Variants in ZBTB40 observed in about 807,000 individuals in gnomAD.
ZBTB40 encodes the protein zinc finger and BTB domain containing 40.
In ZBTB40, 60 loss-of-function variants were observed where a neutral mutation model predicts 117.5. That is an observed-to-expected ratio of 0.51 (90% CI 0.41 to 0.63). The LOEUF is 0.63. Ranked by LOEUF, ZBTB40 falls within the 30% of genes least tolerant of loss-of-function variation. The pLI, the probability that ZBTB40 is intolerant of heterozygous loss-of-function variation, is 0.00. For synonymous variants in ZBTB40, 525 were observed against 577.1 expected, an observed-to-expected ratio of 0.91 and a Z score of 1.29; for missense variants, 1,287 against 1,498.5, an observed-to-expected ratio of 0.86 and a Z score of 2.33.
chr1:22,494,099 C>G (rs887802783), intron 3 of ZBTB40, among the ~76,000 whole-genome samples: 5 of 152,108 alleles, frequency 3.3e-5, no homozygotes, highest in Middle Eastern at 3.2e-3. Context: ...TAGGTAACAA[C>G]TGCTATTGTT....
intron 12 of ZBTB40, 84 bp from the exon 13 acceptor site, chr1:22,517,216 A>G (rs1639394926): frequency 1.9e-6 from 3 of 1,571,520 alleles, no homozygotes; most frequent in Non-Finnish European, 2.6e-6. Flanking sequence ...TATTTCCCTG[A>G]TACGTGCTGT....
chr1:22,483,735 T>G (rs1638391182), intron 1 of ZBTB40, among the ~76,000 whole-genome samples: 1 of 152,198 alleles, frequency 6.6e-6, no homozygotes, highest in African/African-American at 2.4e-5. Flanking sequence ...CTGTGGCTTG[T>G]CTTTTCATTC....
intron 1 of ZBTB40, among the ~76,000 whole-genome samples, chr1:22,465,616 A>G (rs772763663): frequency 6.6e-6 from 1 of 152,118 alleles, no homozygotes; most frequent in Non-Finnish European, 1.5e-5. Context: ...GCTCTGCCCA[A>G]CTTTGCTCCA....
At position 22,511,505 on chromosome 1, in the gene ZBTB40, G is replaced by C. The variant is rs563957528; in HGVS notation, c.2002+158G>C. Among the ~76,000 whole-genome samples the C allele has an allele frequency of 3.9e-5, 6 of 152,306 alleles. No individual in the cohort carries two copies. The South Asian group carries it at 1.2e-3, about 32-fold the overall frequency. ...CTAAAAAAGTCATGAGACATAGGGGGAAAATGTTCTTTGTGTTTATTGGAA... is the reference window on the plus strand; with the variant it reads ...CTAAAAAAGTCATGAGACATAGGGGCAAAATGTTCTTTGTGTTTATTGGAA... On this transcript the variant is annotated intron_variant, in intron 10 of 17. Coordinates refer to ENST00000375647, the MANE Select transcript of ZBTB40 (RefSeq NM_014870.4).
At chr1:22,502,163 C>T (rs987736543) in intron 4 of ZBTB40, 136 bp from the exon 5 acceptor site, 124 of 1,001,014 alleles carry the variant, frequency 1.2e-4, no homozygotes, top group Non-Finnish European at 6.2e-5. Context: ...TCTGTAAAAG[C>T]GATTCTGCAT....
intron 1 of ZBTB40, among the ~76,000 whole-genome samples, chr1:22,429,104 C>T (rs1433232568): frequency 6.6e-6 from 1 of 152,162 alleles, no homozygotes; most frequent in African/African-American, 2.4e-5. Context: ...ATTCTTGGGC[C>T]GGGCGCGGTG....
chr1:22,452,832 C>T (rs2124377650), intron 1 of ZBTB40: 2 of 152,390 alleles, frequency 1.3e-5, no homozygotes, highest in South Asian at 4.2e-4. Flanking sequence ...ACTGACTATT[C>T]AGAGTTTCTC....
In ZBTB40 at chr1:22,490,035, C is replaced by T. The variant is rs866046880; in HGVS notation, c.87C>T (p.Ser29=). The T allele has an allele frequency of 1.2e-6, 2 of 1,614,128 alleles. No homozygotes were observed. Among genetic ancestry groups the T allele is most frequent in the Non-Finnish European group, 1.7e-6 (2 of 1,180,002 alleles). The change falls in exon 2 of 18, where the codon TCC becomes TCT. Residue 29 remains serine (S), a synonymous_variant. Transcript: ENST00000375647. ...KEQQFCDCTI[S]IGTIYFRAHK... ...AGCAGTTCTGTGATTGCACCATCTC[C>T]ATTGGTACCATTTACTTCAGGGCTC...
chr1:22,518,643 G>C (rs1569883598), intron 13 of ZBTB40, among the ~76,000 whole-genome samples: 1 of 152,194 alleles, frequency 6.6e-6, no homozygotes. Context: ...TCGTCAGCCA[G>C]CCAGCAAGGA....
intron 1 of ZBTB40, among the ~76,000 whole-genome samples, chr1:22,433,492 T>A: frequency 1.6e-5 from 1 of 62,002 alleles, no homozygotes; most frequent in Non-Finnish European, 3.6e-5. Flanking sequence ...ACCATTTACC[T>A]AGCATTTACA....
intron 5 of ZBTB40, among the ~76,000 whole-genome samples, chr1:22,504,997 CTA>C (rs1348127239): frequency 6.6e-6 from 1 of 152,130 alleles, no homozygotes; most frequent in Non-Finnish European, 1.5e-5. Flanking sequence ...AAGAGAATGA[CTA>C]TGTTCTGTAC....
At chr1:22,508,884 G>A (rs1370682814) in intron 8 of ZBTB40, among the ~76,000 whole-genome samples, 153 bp downstream of exon 8, 3 of 152,144 alleles carry the variant, frequency 2.0e-5, no homozygotes, top group African/African-American at 7.2e-5. Context: ...ACAAGAGTTT[G>A]TAAACCTTTT....
At chr1:22,491,337 A>G in intron 2 of ZBTB40, 63 bp from the exon 3 acceptor site, 1 of 1,589,116 alleles carries the variant, frequency 6.3e-7, no homozygotes, top group South Asian at 1.1e-5. Flanking sequence ...AGACAGCTTA[A>G]ACTTGTAAAA....
chr1:22,430,562 C>T (rs191521588), intron 1 of ZBTB40, among the ~76,000 whole-genome samples: 1 of 152,298 alleles, frequency 6.6e-6, no homozygotes, highest in African/African-American at 2.4e-5. Flanking sequence ...GCCTCAACCT[C>T]CCTGGCTTAG....
At chr1:22,439,258 T>G (rs1330658342) in intron 1 of ZBTB40, among the ~76,000 whole-genome samples, 2 of 152,244 alleles carry the variant, frequency 1.3e-5, no homozygotes, top group African/African-American at 2.4e-5. Flanking sequence ...CTTTATCTGA[T>G]ATATGATTTA....
chr1:22,495,497 TTTTTG>T lies in ZBTB40; in HGVS notation c.831+3989_831+3993del, dbSNP rs373024206. Reference sequence around the variant, plus strand: ...TTTTTTCAGTTTTTGTGCTAGGTTTTTTTTGTTTTGTTTTGTTTTGTTTTGTTTTT... The same window carrying T: ...TTTTTTCAGTTTTTGTGCTAGGTTTTTTTTGTTTTGTTTTGTTTTGTTTTT... On this transcript the variant is annotated intron_variant, in intron 3 of 17. Coordinates refer to ENST00000375647, the MANE Select transcript of ZBTB40 (RefSeq NM_014870.4). 5.3e-4 allele frequency among the ~76,000 whole-genome samples: 81 copies of T among 152,126 alleles called. 1 individual carries two copies. Among genetic ancestry groups the T allele is most frequent in the African/African-American group, 1.4e-3 (60 of 41,520 alleles).
At position 22,528,134 on chromosome 1, in the gene ZBTB40, C is replaced by T. The variant is rs1160097651; in HGVS notation, c.*1738C>T. 1 of 152,784 alleles carries T rather than the reference C, an allele frequency of 6.5e-6. No individual in the cohort carries two copies. The highest frequency in any genetic ancestry group is 2.4e-5 in the African/African-American group (1 of 41,464). The allele number at this position is 152,784 out of a possible 1,614,324, so 9.5% of individuals were successfully genotyped here. A position where few individuals can be genotyped will look rare whatever the true frequency, so the allele number is the denominator to read the frequency against. The stretch of plus-strand genomic sequence containing the variant: ...CCATGTGAAGGGCTCACTGTTTCTA[C>T]CAAGGCTGTGCCTGTATTAAGGCTT... On this transcript the variant is annotated 3_prime_UTR_variant, in exon 18 of 18. Transcript: ENST00000375647.
At chr1:22,492,550 G>A (rs376469235) in intron 3 of ZBTB40, among the ~76,000 whole-genome samples, 9 of 152,332 alleles carry the variant, frequency 5.9e-5, no homozygotes, top group African/African-American at 2.2e-4. Context: ...CTGATTGGTA[G>A]GGGGTAGTGT....
intron 1 of ZBTB40, among the ~76,000 whole-genome samples, chr1:22,437,383 A>AT (rs1446944693): frequency 3.3e-5 from 5 of 149,356 alleles, no homozygotes; most frequent in East Asian, 2.0e-4. Flanking sequence ...TTTTTTTTCG[A>AT]TTTTTTTATT....
Sources: allele counts gnomAD v4.1 joint callset (sites outside exome capture counted in the v4.1 genomes callset), GRCh38; gene constraint gnomAD v4.1.1; transcripts MANE v1.5; gene names NCBI Gene and HGNC (gene_info 2026-07-23, HGNC 2026-07-21).